PALM2AKAP2: variants seen among roughly 807,000 people sequenced by gnomAD.
The protein encoded by PALM2AKAP2 is PALM2 and AKAP2 fusion, also known as PALM2-AKAP2 fusion protein.
PALM2AKAP2 carries 37 observed loss-of-function variants against 71.5 expected under a neutral mutation model. That is an observed-to-expected ratio of 0.52 (90% CI 0.40 to 0.68). The LOEUF is 0.68. Ranked by LOEUF, PALM2AKAP2 falls within the 30% of genes least tolerant of loss-of-function variation. The probability of loss-of-function intolerance (pLI) is 0.00; values close to 1 mark genes in which losing one functional copy is unlikely to be tolerated. For missense variants in PALM2AKAP2, 1,224 were observed against 1,191.8 expected, an observed-to-expected ratio of 1.03 and a Z score of -0.40; for synonymous variants, 468 against 478.8, an observed-to-expected ratio of 0.98 and a Z score of 0.29.
At chr9:109,936,585 C>T (rs1033107777) in intron 6 of PALM2AKAP2, among the ~76,000 whole-genome samples, 2 of 152,320 alleles carry the variant, frequency 1.3e-5, no homozygotes, top group Non-Finnish European at 2.9e-5. Context: ...GCAATGCCAA[C>T]TCCTGGATGT....
At chr9:109,834,076 A>G (rs751320284) in intron 1 of PALM2AKAP2, among the ~76,000 whole-genome samples, 88 of 152,180 alleles carry the variant, frequency 5.8e-4, no homozygotes, top group Non-Finnish European at 1.2e-3. Context: ...AGCAGGACAT[A>G]GTGGCATGCA....
At chr9:110,128,137 T>C (rs1835656531) in intron 1 of PALM2AKAP2, 1 of 152,270 alleles carries the variant, frequency 6.6e-6, no homozygotes, top group Non-Finnish European at 1.5e-5. Flanking sequence ...CTGATGAGGT[T>C]CAGCTGATGT....
chr9:110,015,123 A>G (rs938215881), intron 6 of PALM2AKAP2, among the ~76,000 whole-genome samples: 4 of 152,076 alleles, frequency 2.6e-5, no homozygotes, highest in African/African-American at 9.7e-5. Context: ...GAGAGAGAAC[A>G]TGGGCAGATT....
chr9:110,024,849 G>A lies in PALM2AKAP2; in HGVS notation c.582+8810G>A, dbSNP rs142703973. ...TGTTTTTTTTTTTTAACAGCCCAGA[G>A]GTCTTTTATTTATTTATTTTTTAAA... On this transcript the variant is annotated intron_variant, in intron 7 of 9. Transcript: ENST00000302798. 9.9e-5 allele frequency: 75 copies of A among 757,040 alleles called. No individual in the cohort carries two copies. In the African/African-American group the frequency reaches 1.2e-3, roughly 12 times the overall value. The allele number at this position is 757,040 out of a possible 1,614,324, so 46.9% of individuals were successfully genotyped here.
chr9:110,112,001 A>C (rs1004469473), intron 1 of PALM2AKAP2, among the ~76,000 whole-genome samples: 1 of 151,992 alleles, frequency 6.6e-6, no homozygotes, highest in African/African-American at 2.4e-5. Context: ...GCTCTCTGCT[A>C]TTGTAGGATC....
chr9:109,807,382 A>G (rs1326131031), intron 1 of PALM2AKAP2, among the ~76,000 whole-genome samples: 3 of 152,162 alleles, frequency 2.0e-5, no homozygotes, highest in Admixed American at 2.0e-4. Flanking sequence ...AATGCCATAG[A>G]CTGGGTGGCT....
intron 3 of PALM2AKAP2, among the ~76,000 whole-genome samples, chr9:109,909,951 G>A (rs1830532380): frequency 1.3e-5 from 2 of 152,198 alleles, no homozygotes; most frequent in Non-Finnish European, 2.9e-5. Context: ...GAGTGCTATT[G>A]TGGTGTGTCT....
intron 1 of PALM2AKAP2, among the ~76,000 whole-genome samples, chr9:109,843,038 G>T (rs1448426779): frequency 6.6e-6 from 1 of 151,312 alleles, no homozygotes; most frequent in Non-Finnish European, 1.5e-5. Flanking sequence ...TACTCAGGAG[G>T]CTGAGGCAGG....
intron 2 of PALM2AKAP2, among the ~76,000 whole-genome samples, chr9:110,149,282 C>G (rs1179075038): frequency 6.6e-6 from 1 of 152,236 alleles, no homozygotes; most frequent in Non-Finnish European, 1.5e-5. Flanking sequence ...GTGAGCACCA[C>G]CATTGCAGAG....
intron 6 of PALM2AKAP2, among the ~76,000 whole-genome samples, chr9:109,971,044 G>T (rs777703376): frequency 3.3e-5 from 5 of 152,102 alleles, no homozygotes; most frequent in Non-Finnish European, 5.9e-5. Flanking sequence ...CCAGGAGGCC[G>T]ATCACACCAC....
Position 110,162,139 on chromosome 9 carries a change from T to G in PALM2AKAP2, c.2748+5642T>G. On this transcript the variant is annotated intron_variant, in intron 3 of 3. Coordinates refer to ENST00000374525, the Ensembl canonical transcript of PALM2AKAP2. ...TTGCAAGGTGACTTCCGAGGTACTTTTCAATTTGTTTGTCTTGGTCTTACT... is the reference window on the plus strand; with the variant it reads ...TTGCAAGGTGACTTCCGAGGTACTTGTCAATTTGTTTGTCTTGGTCTTACT... 6.2e-7 allele frequency: 1 copy of G among 1,614,034 alleles called. No individual in the cohort carries two copies.
At chr9:110,118,322 C>G (rs1227109328) in intron 1 of PALM2AKAP2, among the ~76,000 whole-genome samples, 1 of 152,094 alleles carries the variant, frequency 6.6e-6, no homozygotes, top group Non-Finnish European at 1.5e-5. Context: ...TCTCGGCTCA[C>G]TGCAACCTCT....
At chr9:109,782,441 T>C (rs1028523533) in intron 1 of PALM2AKAP2, among the ~76,000 whole-genome samples, 2 of 152,114 alleles carry the variant, frequency 1.3e-5, no homozygotes, top group Admixed American at 1.3e-4. Context: ...GAAAAAATAA[T>C]AGATAGCTGA....
rs199950779 is a variant in PALM2AKAP2 at position 109,745,487 on chromosome 9, A to AGTGT, written c.6-34976_6-34973dup. Among the ~76,000 whole-genome samples, 358 of 146,968 alleles carry AGTGT rather than the reference A, an allele frequency of 2.4e-3. 3 individuals carry two copies. The highest frequency in any genetic ancestry group is 5.1e-3 in the African/African-American group (205 of 40,118). ...TCTTAAGTCGACTCTAGTGGCTGTC[A>AGTGT]GTGTGTGTGTGTGTGTGTGTGTGTG... is the stretch of plus-strand genomic sequence containing the variant. On this transcript the variant is annotated intron_variant, in intron 1 of 6. Coordinates refer to the PALM2AKAP2 transcript ENST00000374531.
At chr9:109,750,575 T>A (rs988711069) in intron 1 of PALM2AKAP2, among the ~76,000 whole-genome samples, 24 of 150,650 alleles carry the variant, frequency 1.6e-4, no homozygotes, top group African/African-American at 4.6e-4. Context: ...CTAGGACGTG[T>A]GTGTGTGTGT....
In PALM2AKAP2 at chr9:109,954,658, TAAAAAAAAA is replaced by T. The variant is rs56743395; in HGVS notation, c.496+22645_496+22653del. Among the ~76,000 whole-genome samples, 791 of 107,934 alleles carry T rather than the reference TAAAAAAAAA, an allele frequency of 7.3e-3. 9 individuals are homozygous for T. Among genetic ancestry groups the T allele is most frequent in the Middle Eastern group, 0.043 (8 of 188 alleles). The allele number at this position is 107,934 out of a possible 152,430, so 70.8% of individuals were successfully genotyped here. On this transcript the variant is annotated intron_variant, in intron 6 of 9. Transcript: ENST00000302798. ...ATGTACCCTAAAACTTAAAGTATAA[TAAAAAAAAA>T]AAAAAAAAAAAAAAGAAGTTAAGGT... is the stretch of plus-strand genomic sequence containing the variant.
intron 1 of PALM2AKAP2, among the ~76,000 whole-genome samples, chr9:110,089,467 C>G (rs1260617981): frequency 1.3e-5 from 2 of 152,168 alleles, no homozygotes. Flanking sequence ...GTCACAGTTA[C>G]CCCTTGGCCT....
chr9:109,710,861 G>A lies in PALM2AKAP2; in HGVS notation c.6-69627G>A, dbSNP rs78231877. Among the ~76,000 whole-genome samples, 738 of 152,280 alleles carry A rather than the reference G, an allele frequency of 4.8e-3. 10 individuals are homozygous for A. The highest frequency in any genetic ancestry group is 0.01 in the Admixed American group (158 of 15,296). Reference sequence around the variant, plus strand: ...ATTGGCTCCATGGGCCTTGCAGGGAGAATGAAGTTGATATACCTTCTGGAA... The same window carrying A: ...ATTGGCTCCATGGGCCTTGCAGGGAAAATGAAGTTGATATACCTTCTGGAA... On this transcript the variant is annotated intron_variant, in intron 1 of 6. Coordinates refer to the PALM2AKAP2 transcript ENST00000374531.
At chr9:109,886,859 A>G (rs1678546570) in intron 3 of PALM2AKAP2, among the ~76,000 whole-genome samples, 1 of 152,270 alleles carries the variant, frequency 6.6e-6, no homozygotes, top group Non-Finnish European at 1.5e-5. Context: ...AAGGCTAGGT[A>G]TAAGTAACTG....
Sources: gnomAD v4.1 joint callset for allele counts (sites outside exome capture counted in the v4.1 genomes callset) on GRCh38, gnomAD v4.1.1 for gene constraint, MANE v1.5 for transcripts, NCBI Gene and HGNC (gene_info 2026-07-23, HGNC 2026-07-21) for gene names.